The following ZW10 variants were observed in gnomAD, a reference collection of about 807,000 sequenced individuals.
ZW10 encodes centromere/kinetochore protein zw10 homolog.
In ZW10, 53 loss-of-function variants were observed where a neutral mutation model predicts 87.8. The observed-to-expected ratio is 0.60, with a 90% CI of 0.48 to 0.76. The LOEUF is 0.76. Ranked by LOEUF, ZW10 falls within the 30% of genes least tolerant of loss-of-function variation. The pLI is 0.00. For missense variants in ZW10, 837 were observed against 923.0 expected (o/e 0.91, Z 1.21); for synonymous variants, 312 against 329.2 (o/e 0.95, Z 0.57).
In ZW10 at chr11:113,736,815, G is replaced by T. The variant is rs1591408115; in HGVS notation, c.2024C>A (p.Ser675Tyr). The T allele has an allele frequency of 7.4e-6, 12 of 1,614,068 alleles. No individual in the cohort carries two copies. The East Asian group carries it at 2.7e-4, about 36-fold the overall frequency. The change falls in exon 15 of 16, where the codon TCT becomes TAT. Residue 675 changes from serine (S) to tyrosine (Y), a missense_variant. Ser to Tyr is a moderately radical substitution (Grantham distance 144). Transcript: ENST00000200135. The stretch of plus-strand genomic sequence containing the variant: ...ATATAACCTATCACCATCTTCAGTA[G>T]ATATGTCCTGGTTTTGCACAGAGGA... Reference protein sequence around the residue: ...IGKITALEDISTEDGDRLYSL... With the variant: ...IGKITALEDIYTEDGDRLYSL...
intron 2 of ZW10, 128 bp from the exon 3 acceptor site, chr11:113,761,046 C>A: frequency 1.4e-6 from 1 of 715,954 alleles, no homozygotes; most frequent in Non-Finnish European, 2.3e-6. Context: ...CTAGTTAAGA[C>A]TGGAATAAAA....
intron 2 of ZW10, among the ~76,000 whole-genome samples, chr11:113,765,869 A>G (rs1186716796): frequency 6.6e-6 from 1 of 152,226 alleles, no homozygotes; most frequent in African/African-American, 2.4e-5. Context: ...CCTCCAAAGC[A>G]AAAGGGAGGT....
chr11:113,752,012 GC>G (rs1327786026), intron 7 of ZW10, among the ~76,000 whole-genome samples: 1 of 152,182 alleles, frequency 6.6e-6, no homozygotes, highest in Non-Finnish European at 1.5e-5. Flanking sequence ...TTGCATACAT[GC>G]AAATACTATA....
In ZW10 at chr11:113,736,747, C is replaced by A. The variant is rs1237551961; in HGVS notation, c.2092G>T (p.Ala698Ser). The A allele has an allele frequency of 1.9e-6, 3 of 1,614,140 alleles. No individual in the cohort carries two copies. Among genetic ancestry groups the A allele is most frequent in the South Asian group, 1.1e-5 (1 of 91,068 alleles). ...TTCTTGCTTTCTTCAGATAAAGGTG[C>A]AAATACTTGGGGTCCTTCATCCATC... ...TVMDEGPQVF[A>S]PLSEESKNKK... The change falls in exon 15 of 16, where the codon GCA (alanine) becomes TCA (serine). Residue 698 changes from alanine (A) to serine (S), a missense_variant. Physicochemically the swap from Ala to Ser is moderately conservative, Grantham distance 99. Coordinates refer to ENST00000200135, the MANE Select transcript of ZW10 (RefSeq NM_004724.4).
intron 9 of ZW10, among the ~76,000 whole-genome samples, chr11:113,744,881 A>G (rs1340766755): frequency 6.6e-6 from 1 of 152,180 alleles, no homozygotes; most frequent in Non-Finnish European, 1.5e-5. Flanking sequence ...CTTGGCTGAA[A>G]TAGCAAAGCT....
intron 6 of ZW10, 57 bp downstream of exon 6, chr11:113,758,497 C>G: frequency 6.4e-7 from 1 of 1,554,622 alleles, no homozygotes; most frequent in Admixed American, 1.8e-5. Flanking sequence ...TCTGTCTTCC[C>G]TTTAATACTG....
rs924185702 is a variant in ZW10, at chr11:113,759,036, G to A, written c.581-330C>T. ...CAAAAAATTTAAAAATTGGTCAGGC[G>A]TGGTAGCACGCACCTGTGGTCACAG... is the stretch of plus-strand genomic sequence containing the variant. On this transcript the variant is annotated intron_variant, in intron 5 of 15. Coordinates refer to ENST00000200135, the MANE Select transcript of ZW10 (RefSeq NM_004724.4). 1.1e-4 allele frequency among the ~76,000 whole-genome samples: 17 copies of A among 152,218 alleles called. 1 individual carries two copies. The highest frequency in any genetic ancestry group is 9.8e-4 in the Admixed American group (15 of 15,294).
intron 9 of ZW10, among the ~76,000 whole-genome samples, chr11:113,746,990 C>A (rs2134875714): frequency 1.3e-5 from 2 of 151,706 alleles, no homozygotes; most frequent in East Asian, 3.9e-4. Context: ...GAAACCACAG[C>A]CCAATTCAAG....
At chr11:113,763,426 C>A (rs528057015) in intron 2 of ZW10, among the ~76,000 whole-genome samples, 1 of 152,268 alleles carries the variant, frequency 6.6e-6, no homozygotes, top group East Asian at 1.9e-4. Flanking sequence ...GTTCTAGATC[C>A]TTGAGGAATC....
At position 113,759,174 on chromosome 11, in the gene ZW10, C is replaced by T. The variant is rs185712661; in HGVS notation, c.581-468G>A. 5.8e-3 allele frequency among the ~76,000 whole-genome samples: 876 copies of T among 152,060 alleles called. 2 individuals are homozygous for T. The highest frequency in any genetic ancestry group is 9.4e-3 in the Non-Finnish European group (638 of 67,972). ...TTGAGCTACTGCACTCCAGCCTGGG[C>T]GACAGAGCGAGACCCTGTTTCAAAA... is the stretch of plus-strand genomic sequence containing the variant. On this transcript the variant is annotated intron_variant, in intron 5 of 15. Coordinates refer to ENST00000200135, the MANE Select transcript of ZW10 (RefSeq NM_004724.4).
At position 113,739,296 on chromosome 11, in the gene ZW10, T is replaced by C. The variant is rs370705252; in HGVS notation, c.1670A>G (p.His557Arg). ...YIAHHLLTLG[H>R]QFRLRLAPIL... The stretch of plus-strand genomic sequence containing the variant: ...GGGGGCAAGACGCAATCTGAACTGA[T>C]GCCCGAGGGTCAGCAAGTGGTGAGC... The change falls in exon 12 of 16, where the codon CAT (histidine) becomes CGT (arginine). Residue 557 changes from histidine (H) to arginine (R), a missense_variant. By Grantham distance (29) the His-to-Arg change is conservative. Transcript: ENST00000200135. The C allele has an allele frequency of 8.7e-5, 140 of 1,613,876 alleles. No individual in the cohort carries two copies. Among genetic ancestry groups the C allele is most frequent in the Middle Eastern group, 1.6e-4 (1 of 6,084 alleles).
intron 7 of ZW10, among the ~76,000 whole-genome samples, chr11:113,753,265 G>C (rs550452949): frequency 6.6e-6 from 1 of 152,258 alleles, no homozygotes; most frequent in African/African-American, 2.4e-5. Flanking sequence ...TTATAAGTGA[G>C]GACATGCGGT....
At chr11:113,761,553 T>C (rs546195849) in intron 2 of ZW10, among the ~76,000 whole-genome samples, 1 of 152,260 alleles carries the variant, frequency 6.6e-6, no homozygotes, top group South Asian at 2.1e-4. Flanking sequence ...AGTGCTGAGA[T>C]TGTAGGCATG....
At chr11:113,762,587 G>A (rs999276246) in intron 2 of ZW10, among the ~76,000 whole-genome samples, 8 of 150,388 alleles carry the variant, frequency 5.3e-5, no homozygotes, top group Admixed American at 3.3e-4. Flanking sequence ...GCACAATCTC[G>A]GCTCACTGCA....
chr11:113,753,399 G>C (rs1386305364), intron 7 of ZW10, among the ~76,000 whole-genome samples: 1 of 152,002 alleles, frequency 6.6e-6, no homozygotes, highest in African/African-American at 2.4e-5. Context: ...AGAAAGTTTT[G>C]TTTTTTGTTT....
intron 2 of ZW10, among the ~76,000 whole-genome samples, chr11:113,766,835 G>A (rs1306986448): frequency 6.6e-6 from 1 of 151,010 alleles, no homozygotes; most frequent in African/African-American, 2.4e-5. Flanking sequence ...TGGCCAACAT[G>A]GTGAAACCCT....
intron 2 of ZW10, among the ~76,000 whole-genome samples, 169 bp downstream of exon 2, chr11:113,768,664 A>G (rs1953931174): frequency 6.6e-6 from 1 of 152,184 alleles, no homozygotes; most frequent in Non-Finnish European, 1.5e-5. Context: ...CACTTTTGGA[A>G]ATACTTCTAT....
chr11:113,768,738 G>A, intron 2 of ZW10, 95 bp downstream of exon 2: 1 of 1,295,922 alleles, frequency 7.7e-7, no homozygotes, highest in Admixed American at 2.3e-5. Context: ...AGAAAAGTGA[G>A]GGTTTAAAAA....
In ZW10 at chr11:113,748,359, C is replaced by G; in HGVS notation, c.987G>C (p.Met329Ile). Residue 329 changes from methionine to isoleucine, a missense_variant, in exon 8 of 16, where the codon ATG becomes ATC. Coordinates refer to ENST00000200135, the MANE Select transcript of ZW10 (RefSeq NM_004724.4). ...AGTCCTCCCAGATCATGTCTCCAAG[C>G]ATCTCAGCCAATGGGACAGTAGATG... ...EKTSTVPLAE[M>I]LGDMIWEDLS... is the part of the protein sequence containing the mutation. 2 of 1,613,752 alleles carry G rather than the reference C, an allele frequency of 1.2e-6. No individual in the cohort carries two copies. The highest frequency in any genetic ancestry group is 1.7e-6 in the Non-Finnish European group (2 of 1,179,850).
Sources: allele counts gnomAD v4.1 joint callset (sites outside exome capture counted in the v4.1 genomes callset), GRCh38; gene constraint gnomAD v4.1.1; transcripts MANE v1.5; gene names NCBI Gene and HGNC (gene_info 2026-07-23, HGNC 2026-07-21).